Variants in NEK10 observed in about 807,000 individuals in gnomAD.
The protein encoded by NEK10 is NIMA related kinase 10.
A neutral mutation model predicts 159.8 loss-of-function variants in NEK10; 122 were observed. The observed-to-expected ratio is 0.76, with a 90% CI of 0.66 to 0.89. NEK10 has a LOEUF of 0.89. NEK10 is among the 40% of genes least tolerant of loss of function. The probability of loss-of-function intolerance (pLI) is 0.00; values close to 1 mark genes in which losing one functional copy is unlikely to be tolerated. For missense variants in NEK10, 1,342 were observed against 1,323.1 expected, an observed-to-expected ratio of 1.01 and a Z score of -0.22; for synonymous variants, 466 against 457.1, an observed-to-expected ratio of 1.02 and a Z score of -0.25.
chr3:27,269,426 C>A (rs147853736), intron 22 of NEK10, among the ~76,000 whole-genome samples: 242 of 152,288 alleles, frequency 1.6e-3, no homozygotes, highest in African/African-American at 5.4e-3. Flanking sequence ...CTTGAGCAAC[C>A]ACCACCCTGA....
intron 26 of NEK10, among the ~76,000 whole-genome samples, chr3:27,190,724 T>C (rs1209685358): frequency 6.6e-6 from 1 of 152,156 alleles, no homozygotes; most frequent in Non-Finnish European, 1.5e-5. Context: ...ACCTAAGATA[T>C]ATAGAAATAG....
chr3:27,182,225 G>A (rs1366550746), intron 26 of NEK10, among the ~76,000 whole-genome samples: 1 of 152,060 alleles, frequency 6.6e-6, no homozygotes, highest in Admixed American at 6.6e-5. Flanking sequence ...TATACTGTGT[G>A]GTAATGCATA....
At chr3:27,350,843 G>T (rs925742394) in intron 3 of NEK10, among the ~76,000 whole-genome samples, 2 of 152,084 alleles carry the variant, frequency 1.3e-5, no homozygotes, top group African/African-American at 4.8e-5. Flanking sequence ...AACTATATTG[G>T]TTTTTGGTTT....
chr3:27,268,482 T>C lies in NEK10; in HGVS notation c.2015-12111A>G, dbSNP rs576419818. ...CAATGCTTATTGACCATTCTGAAAA[T>C]CCTAGGGCCCTTAAGAATGTTGCTA... On this transcript the variant is annotated intron_variant, in intron 22 of 35. Transcript: ENST00000691995. Among the ~76,000 whole-genome samples the C allele has an allele frequency of 3.3e-5, 5 of 152,254 alleles. No homozygotes were observed. In the East Asian group the frequency reaches 9.7e-4, roughly 29 times the overall value.
At chr3:27,171,921 C>A in intron 28 of NEK10, 48 bp from the exon 29 acceptor site, 2 of 1,565,528 alleles carry the variant, frequency 1.3e-6, no homozygotes, top group East Asian at 2.2e-5. Flanking sequence ...CTCTGCAAAT[C>A]TTTTATTTTT....
chr3:27,308,324 G>A (rs1032567509), intron 10 of NEK10, among the ~76,000 whole-genome samples: 9 of 152,080 alleles, frequency 5.9e-5, no homozygotes, highest in African/African-American at 2.2e-4. Flanking sequence ...GAATTATGGG[G>A]ATTACAGGGA....
intron 20 of NEK10, among the ~76,000 whole-genome samples, chr3:27,285,803 T>G (rs566836016): frequency 9.8e-5 from 15 of 152,300 alleles, no homozygotes; most frequent in African/African-American, 3.4e-4. Context: ...TTTTTTTCAT[T>G]AAGCAGCCTT....
intron 20 of NEK10, among the ~76,000 whole-genome samples, chr3:27,286,990 G>A: frequency 6.6e-6 from 1 of 151,972 alleles, no homozygotes; most frequent in Non-Finnish European, 1.5e-5. Context: ...CAATAGCACT[G>A]AAAAAGAGGT....
At chr3:27,295,896 T>A (rs993389650) in intron 14 of NEK10, among the ~76,000 whole-genome samples, 1 of 152,174 alleles carries the variant, frequency 6.6e-6, no homozygotes. Context: ...ATTTTAAAAT[T>A]TCAACTGTCT....
At chr3:27,154,656 T>C (rs1440558707) in intron 30 of NEK10, among the ~76,000 whole-genome samples, 1 of 152,142 alleles carries the variant, frequency 6.6e-6, no homozygotes, top group Non-Finnish European at 1.5e-5. Flanking sequence ...CACAAGTCAA[T>C]AAATGTGATA....
chr3:27,171,434 G>A (rs1203411129), intron 29 of NEK10, among the ~76,000 whole-genome samples: 1 of 151,934 alleles, frequency 6.6e-6, no homozygotes, highest in African/African-American at 2.4e-5. Flanking sequence ...GGTAGGATGC[G>A]GTCTCATAAG....
chr3:27,164,183 TA>T (rs745991212), intron 29 of NEK10, among the ~76,000 whole-genome samples: 4 of 152,046 alleles, frequency 2.6e-5, no homozygotes, highest in Non-Finnish European at 5.9e-5. Context: ...GGAGCATGTT[TA>T]AAAAAAGAAA....
intron 26 of NEK10, 146 bp from the exon 27 acceptor site, chr3:27,174,979 A>G: frequency 1.6e-6 from 1 of 620,658 alleles, no homozygotes. Context: ...CCACCTATAC[A>G]CCTGTTACAG....
intron 5 of NEK10, among the ~76,000 whole-genome samples, chr3:27,339,932 T>C (rs2047083239): frequency 1.3e-5 from 2 of 152,202 alleles, no homozygotes; most frequent in Non-Finnish European, 2.9e-5. Context: ...AGTTCAACCA[T>C]TATGGAGGAC....
intron 23 of NEK10, among the ~76,000 whole-genome samples, chr3:27,230,444 A>G (rs1559653341): frequency 1.3e-5 from 2 of 152,094 alleles, no homozygotes; most frequent in Non-Finnish European, 2.9e-5. Context: ...CAGAGGGCCT[A>G]TAAAACAATA....
intron 30 of NEK10, among the ~76,000 whole-genome samples, chr3:27,162,011 AAAAAG>A (rs763182325): frequency 6.6e-6 from 1 of 152,160 alleles, no homozygotes; most frequent in Non-Finnish European, 1.5e-5. Flanking sequence ...TCTCAAAAAA[AAAAAG>A]AAAAGAAAAG....
intron 22 of NEK10, among the ~76,000 whole-genome samples, chr3:27,272,309 C>A (rs2041428793): frequency 6.6e-6 from 1 of 152,156 alleles, no homozygotes; most frequent in African/African-American, 2.4e-5. Context: ...AGGGATATCC[C>A]AGTCAACCAG....
chr3:27,357,110 T>C (rs2048372286), intron 1 of NEK10, among the ~76,000 whole-genome samples: 1 of 152,186 alleles, frequency 6.6e-6, no homozygotes, highest in Non-Finnish European at 1.5e-5. Context: ...TCCCCACATA[T>C]TGTTATTATG....
chr3:27,365,768 A>G (rs548583021), intron 1 of NEK10, among the ~76,000 whole-genome samples: 94 of 150,742 alleles, frequency 6.2e-4, no homozygotes, highest in African/African-American at 2.2e-3. Flanking sequence ...ACGCGTCACC[A>G]CACCCAGCTA....
Sources: allele counts gnomAD v4.1 joint callset (sites outside exome capture counted in the v4.1 genomes callset), GRCh38; gene constraint gnomAD v4.1.1; transcripts MANE v1.5; gene names NCBI Gene and HGNC (gene_info 2026-07-23, HGNC 2026-07-21).